The following MYBL1 variants were observed in gnomAD, a reference collection of about 807,000 sequenced individuals.
MYBL1 encodes MYB proto-oncogene like 1.
A neutral mutation model predicts 96.3 loss-of-function variants in MYBL1; 17 were observed. That is an observed-to-expected ratio of 0.18 (90% CI 0.12 to 0.26). The LOEUF (loss-of-function observed/expected upper bound fraction) is 0.26. Among genes scored for constraint, MYBL1 ranks in the 10% least tolerant of loss-of-function variants. The probability of loss-of-function intolerance (pLI) is 1.00; values close to 1 mark genes in which losing one functional copy is unlikely to be tolerated. For missense variants in MYBL1, 701 were observed against 882.9 expected (o/e 0.79, Z 2.61); for synonymous variants, 282 against 292.7 (o/e 0.96, Z 0.37).
intron 1 of MYBL1, among the ~76,000 whole-genome samples, chr8:66,604,927 A>T (rs1296930829): frequency 6.6e-6 from 1 of 152,182 alleles, no homozygotes; most frequent in African/African-American, 2.4e-5. Flanking sequence ...GAGTATGTAT[A>T]GTTTGGGACT....
chr8:66,604,614 CAGAAA>C (rs1810238541), intron 1 of MYBL1, among the ~76,000 whole-genome samples: 1 of 151,188 alleles, frequency 6.6e-6, no homozygotes, highest in Non-Finnish European at 1.5e-5. Context: ...TATAAGAAAA[CAGAAA>C]AGAAGTCTAC....
chr8:66,575,057 A>AG, intron 10 of MYBL1, among the ~76,000 whole-genome samples: 1 of 152,166 alleles, frequency 6.6e-6, no homozygotes, highest in Non-Finnish European at 1.5e-5. Flanking sequence ...TCCATCTCAA[A>AG]GAAAAAAAAA....
intron 1 of MYBL1, among the ~76,000 whole-genome samples, chr8:66,606,679 T>C (rs1336241784): frequency 6.6e-6 from 1 of 152,196 alleles, no homozygotes; most frequent in Non-Finnish European, 1.5e-5. Flanking sequence ...CCCATTCCCC[T>C]ATGATCTGCT....
chr8:66,602,867 T>G (rs1184763471), intron 1 of MYBL1, among the ~76,000 whole-genome samples: 1 of 148,148 alleles, frequency 6.8e-6, no homozygotes, highest in African/African-American at 2.5e-5. Flanking sequence ...TGCCTCAGCC[T>G]CTCGAGTAGC....
intron 8 of MYBL1, among the ~76,000 whole-genome samples, chr8:66,587,077 C>G (rs1809449654): frequency 6.6e-6 from 1 of 152,030 alleles, no homozygotes; most frequent in South Asian, 2.1e-4. Flanking sequence ...GGAGAGTAGC[C>G]AAAGGTTGGT....
intron 14 of MYBL1, 56 bp downstream of exon 14, chr8:66,566,628 C>A: frequency 1.7e-6 from 2 of 1,179,334 alleles, no homozygotes; most frequent in Admixed American, 2.2e-5. Context: ...GAAATAAGAA[C>A]CTCTAGGACT....
intron 1 of MYBL1, among the ~76,000 whole-genome samples, chr8:66,607,363 T>C (rs1810360643): frequency 6.6e-6 from 1 of 152,218 alleles, no homozygotes; most frequent in Non-Finnish European, 1.5e-5. Context: ...TTTCTTCTTT[T>C]TAATGTTTAT....
intron 8 of MYBL1, among the ~76,000 whole-genome samples, chr8:66,584,616 TGGGA>T (rs1809340994): frequency 6.6e-6 from 1 of 152,066 alleles, no homozygotes; most frequent in Non-Finnish European, 1.5e-5. Flanking sequence ...ATCAGCACTT[TGGGA>T]GGACAAAGCA....
chr8:66,611,082 T>C (rs1248632874), intron 1 of MYBL1, among the ~76,000 whole-genome samples: 1 of 152,160 alleles, frequency 6.6e-6, no homozygotes, highest in Admixed American at 6.5e-5. Flanking sequence ...TTATGAAACA[T>C]ACACTTCACA....
chr8:66,591,016 T>C (rs904302422), intron 8 of MYBL1, among the ~76,000 whole-genome samples: 2 of 152,192 alleles, frequency 1.3e-5, no homozygotes, highest in African/African-American at 4.8e-5. Flanking sequence ...GAAACATCAC[T>C]GTGTACCCCA....
chr8:66,597,987 C>A (rs543073768), intron 4 of MYBL1, among the ~76,000 whole-genome samples: 45 of 150,804 alleles, frequency 3.0e-4, no homozygotes, highest in African/African-American at 9.7e-4. Context: ...ATTACATATT[C>A]TTTTTTCCAC....
chr8:66,574,491 G>C (rs180944893), intron 10 of MYBL1, among the ~76,000 whole-genome samples: 2 of 152,210 alleles, frequency 1.3e-5, no homozygotes, highest in African/African-American at 4.8e-5. Flanking sequence ...CTGAAGCATG[G>C]GTGCACAATT....
chr8:66,570,846 T>C (rs896365619), intron 12 of MYBL1, among the ~76,000 whole-genome samples: 6 of 152,230 alleles, frequency 3.9e-5, no homozygotes, highest in African/African-American at 1.2e-4. Flanking sequence ...AGTGTGGTCA[T>C]ACTCTTGTTT....
At chr8:66,606,847 G>C (rs1307177428) in intron 1 of MYBL1, among the ~76,000 whole-genome samples, 1 of 151,432 alleles carries the variant, frequency 6.6e-6, no homozygotes, top group East Asian at 1.9e-4. Flanking sequence ...CTGGAGTGCA[G>C]TGGCGCAATC....
At chr8:66,565,127 T>A (rs774568042) in intron 15 of MYBL1, 1 of 163,988 alleles carries the variant, frequency 6.1e-6, no homozygotes, top group Non-Finnish European at 1.3e-5. Flanking sequence ...AGTCTTAACA[T>A]GGAAATAAAT....
chr8:66,585,841 T>G (rs1052888737), intron 8 of MYBL1, among the ~76,000 whole-genome samples: 4 of 151,738 alleles, frequency 2.6e-5, no homozygotes, highest in Non-Finnish European at 5.9e-5. Flanking sequence ...AAAGCAAAAA[T>G]AGACAAATGG....
At position 66,570,988 on chromosome 8, in the gene MYBL1, G is replaced by GA. The variant is rs1026547516; in HGVS notation, c.1728+1493dup. ...TACGTACCCTTTAACACAGTATTTT[G>GA]AAAAAAAGACTAGAAGATGTGCGTG... is the stretch of plus-strand genomic sequence containing the variant. On this transcript the variant is annotated intron_variant, in intron 12 of 15. Coordinates refer to ENST00000522677, the MANE Select transcript of MYBL1 (RefSeq NM_001080416.4). 1.1e-4 allele frequency among the ~76,000 whole-genome samples: 17 copies of GA among 151,958 alleles called. 1 individual carries two copies. Among genetic ancestry groups the GA allele is most frequent in the African/African-American group, 3.1e-4 (13 of 41,452 alleles).
chr8:66,603,747 G>C (rs191896667), intron 1 of MYBL1, among the ~76,000 whole-genome samples: 389 of 152,044 alleles, frequency 2.6e-3, no homozygotes, highest in African/African-American at 8.9e-3. Context: ...TGATCCTCCT[G>C]CCTCAGCCTC....
Position 66,566,139 on chromosome 8 carries a change from G to C in MYBL1, c.2055C>G (p.Asn685Lys). The C allele has an allele frequency of 6.5e-7, 1 of 1,543,288 alleles. No individual in the cohort carries two copies. The highest frequency in any genetic ancestry group is 1.4e-5 in the African/African-American group (1 of 73,080). Residue 685 changes from asparagine to lysine, a missense_variant, in exon 15 of 16, where the codon AAC becomes AAG. Coordinates refer to ENST00000522677, the MANE Select transcript of MYBL1 (RefSeq NM_001080416.4). ...TCTTTTTAGTAAGTGTATATGTTTTGTTGGTTGAATTTATATCTTGTTTTT... is the reference window on the plus strand; with the variant it reads ...TCTTTTTAGTAAGTGTATATGTTTTCTTGGTTGAATTTATATCTTGTTTTT... ...IPEKQDINST[N>K]KTYTLTKKKP...
Sources: gnomAD v4.1 joint callset for allele counts (sites outside exome capture counted in the v4.1 genomes callset) on GRCh38, gnomAD v4.1.1 for gene constraint, MANE v1.5 for transcripts, NCBI Gene and HGNC (gene_info 2026-07-23, HGNC 2026-07-21) for gene names.